HILPDA: variants seen among roughly 807,000 people sequenced by gnomAD.
HILPDA encodes the protein hypoxia-inducible lipid droplet-associated protein.
For synonymous variants in HILPDA, 37 were observed against 33.2 expected, an observed-to-expected ratio of 1.12 and a Z score of -0.40; for missense variants, 72 against 73.5, an observed-to-expected ratio of 0.98 and a Z score of 0.08.
In HILPDA at chr7:128,457,492, GA is replaced by G. The variant is rs1416851457; in HGVS notation, c.*34del. ...CTCCTTCCATACTGGCCATATTTTG[GA>G]ACACTGACCTAGACATGTCCAGATG... is the stretch of plus-strand genomic sequence containing the variant. On this transcript the variant is annotated 3_prime_UTR_variant, in exon 2 of 2. Transcript: ENST00000257696. The G allele has an allele frequency of 6.3e-7, 1 of 1,598,936 alleles. No individual in the cohort carries two copies. Among genetic ancestry groups the G allele is most frequent in the Non-Finnish European group, 8.6e-7 (1 of 1,166,868 alleles).
intron 1 of HILPDA, among the ~76,000 whole-genome samples, chr7:128,456,851 A>T (rs1344753027): frequency 1.3e-5 from 2 of 152,110 alleles, no homozygotes; most frequent in Middle Eastern, 3.2e-3. Flanking sequence ...TAGTAGAGAC[A>T]GGGTTTCACC....
At position 128,457,497 on chromosome 7, in the gene HILPDA, C is replaced by T. The variant is rs756294805; in HGVS notation, c.*37C>T. Reference sequence around the variant, plus strand: ...TCCATACTGGCCATATTTTGGAACACTGACCTAGACATGTCCAGATGGGAG... The same window carrying T: ...TCCATACTGGCCATATTTTGGAACATTGACCTAGACATGTCCAGATGGGAG... On this transcript the variant is annotated 3_prime_UTR_variant, in exon 2 of 2. Transcript: ENST00000257696. 113 of 1,575,924 alleles carry T rather than the reference C, an allele frequency of 7.2e-5. No individual in the cohort carries two copies. Among genetic ancestry groups the T allele is most frequent in the Middle Eastern group, 5.4e-4 (3 of 5,508 alleles).
At position 128,457,230 on chromosome 7, in the gene HILPDA, A is replaced by C; in HGVS notation, c.-39A>C. ...CAGAGGCCTTTCAGAAGGAGAAGGC[A>C]GCTCTGTTTCTCTGCAGAGGAGTAG... On this transcript the variant is annotated 5_prime_UTR_variant, in exon 2 of 2. Transcript: ENST00000257696. 2 of 1,557,114 alleles carry C rather than the reference A, an allele frequency of 1.3e-6. No individual in the cohort carries two copies. Among genetic ancestry groups the C allele is most frequent in the Non-Finnish European group, 1.8e-6 (2 of 1,137,848 alleles).
rs1799531856 is a variant in HILPDA, at chr7:128,455,893, C to T, written c.-199C>T. 1 of 456,754 alleles carries T rather than the reference C, an allele frequency of 2.2e-6. No homozygotes were observed. Among genetic ancestry groups the T allele is most frequent in the Non-Finnish European group, 4.4e-6 (1 of 226,974 alleles). 28.3% of individuals were successfully genotyped at this position (456,754 alleles called of 1,614,324 possible). On this transcript the variant is annotated 5_prime_UTR_variant, in exon 1 of 2. The change creates a new upstream start codon in the 5' untranslated region. Transcript: ENST00000257696. ...GCGTTGCTCTGCGCTCTGCGGCTGA[C>T]GGCGCTTTTGTCTCCGGTGAGTTTT...
chr7:128,457,397 A>C lies in HILPDA; in HGVS notation c.129A>C (p.Arg43Ser). The change falls in exon 2 of 2, where the codon AGA becomes AGC. Residue 43 changes from arginine (R) to serine (S), a missense_variant. Transcript: ENST00000257696. ...CGCCTGGGACCTCCTGGACCACCAGAAGCCAACTAGCCAACACAGAGCCCA... is the reference window on the plus strand; with the variant it reads ...CGCCTGGGACCTCCTGGACCACCAGCAGCCAACTAGCCAACACAGAGCCCA... ...SPSPGTSWTT[R>S]SQLANTEPTK... 1 of 1,614,164 alleles carries C rather than the reference A, an allele frequency of 6.2e-7. No individual in the cohort carries two copies.
chr7:128,457,066 G>A (rs1584778861), intron 1 of HILPDA, 135 bp from the exon 2 acceptor site: 2 of 463,178 alleles, frequency 4.3e-6, no homozygotes, highest in African/African-American at 1.9e-5. Flanking sequence ...GAGAGTTGCT[G>A]TGCAACTCCC....
intron 1 of HILPDA, 71 bp downstream of exon 1, chr7:128,456,094 G>T (rs1458544740): frequency 2.4e-6 from 1 of 410,106 alleles, no homozygotes; most frequent in East Asian, 7.2e-5. Flanking sequence ...TAGCAGCCTC[G>T]CGTTCCAGGG....
Position 128,457,253 on chromosome 7 carries a change from T to C in HILPDA, c.-16T>C. On this transcript the variant is annotated 5_prime_UTR_variant, in exon 2 of 2. Coordinates refer to ENST00000257696, the MANE Select transcript of HILPDA (RefSeq NM_013332.4). ...GCAGCTCTGTTTCTCTGCAGAGGAG[T>C]AGGGTCCTTTCAGCCATGAAGCATG... The C allele has an allele frequency of 1.2e-6, 2 of 1,601,626 alleles. No homozygotes were observed. The highest frequency in any genetic ancestry group is 1.7e-6 in the Non-Finnish European group (2 of 1,170,454).
intron 1 of HILPDA, chr7:128,456,464 T>G (rs1422828942): frequency 6.3e-6 from 1 of 158,050 alleles, no homozygotes; most frequent in Non-Finnish European, 1.4e-5. Flanking sequence ...TGCAAAAAGT[T>G]TGTAGTTAAC....
At position 128,457,456 on chromosome 7, in the gene HILPDA, T is replaced by C. The variant is rs1044013818; in HGVS notation, c.188T>C (p.Met63Thr). 1 of 1,614,056 alleles carries C rather than the reference T, an allele frequency of 6.2e-7. No individual in the cohort carries two copies. The highest frequency in any genetic ancestry group is 1.3e-5 in the African/African-American group (1 of 75,044). Residue 63 changes from methionine to threonine, a missense_variant, in exon 2 of 2, where the codon ATG becomes ACG. Coordinates refer to ENST00000257696, the MANE Select transcript of HILPDA (RefSeq NM_013332.4). ...KGLPDHPSRS[M>T] ...CTTCCAGACCATCCATCCAGAAGCA[T>C]GTGATAAGACCTCCTTCCATACTGG... is the stretch of plus-strand genomic sequence containing the variant.
chr7:128,457,083 C>T (rs1175609593), intron 1 of HILPDA, 118 bp from the exon 2 acceptor site: 10 of 495,296 alleles, frequency 2.0e-5, no homozygotes, highest in Admixed American at 3.2e-5. Context: ...TCCCTGGTCC[C>T]TGTGTCCCTC....
At chr7:128,457,178 C>T in intron 1 of HILPDA, 23 bp from the exon 2 acceptor site, 1 of 1,085,454 alleles carries the variant, frequency 9.2e-7, no homozygotes. Flanking sequence ...GCTATAGATT[C>T]ATCCTTTCCT....
intron 1 of HILPDA, 56 bp downstream of exon 1, chr7:128,456,079 C>G (rs1799536264): frequency 2.4e-6 from 1 of 423,390 alleles, no homozygotes; most frequent in African/African-American, 2.0e-5. Context: ...GAGTGCTCGC[C>G]GCGCTAGCAG....
chr7:128,457,755 T>C lies in HILPDA; in HGVS notation c.*295T>C, dbSNP rs1245301469. 2 of 276,796 alleles carry C rather than the reference T, an allele frequency of 7.2e-6. No individual in the cohort carries two copies. Among genetic ancestry groups the C allele is most frequent in the Non-Finnish European group, 1.5e-5 (2 of 137,504 alleles). The allele number at this position is 276,796 out of a possible 1,614,324, so 17.1% of individuals were successfully genotyped here. On this transcript the variant is annotated 3_prime_UTR_variant, in exon 2 of 2. Coordinates refer to ENST00000257696, the MANE Select transcript of HILPDA (RefSeq NM_013332.4). The stretch of plus-strand genomic sequence containing the variant: ...GGCGAAACCCCATCTCTACTAAAAA[T>C]ACAAAAGTTAGCTGGGTGTGGTGGC...
At position 128,458,132 on chromosome 7, in the gene HILPDA, C is replaced by G. The variant is rs1799571517; in HGVS notation, c.*672C>G. 6.1e-6 allele frequency: 1 copy of G among 163,118 alleles called. No individual in the cohort carries two copies. Among genetic ancestry groups the G allele is most frequent in the Non-Finnish European group, 1.5e-5 (1 of 66,026 alleles). The allele number at this position is 163,118 out of a possible 1,614,324, so 10.1% of individuals were successfully genotyped here. On this transcript the variant is annotated 3_prime_UTR_variant, in exon 2 of 2. Coordinates refer to ENST00000257696, the MANE Select transcript of HILPDA (RefSeq NM_013332.4). ...AACATCTGTCTGGGGTTCCTTTAGT[C>G]TTGAATGTCTTATGCTCAATTATTT...
At position 128,457,312 on chromosome 7, in the gene HILPDA, C is replaced by T; in HGVS notation, c.44C>T (p.Thr15Ile). Residue 15 changes from threonine to isoleucine, a missense_variant, in exon 2 of 2, where the codon ACC becomes ATC. Physicochemically the swap from Thr to Ile is moderately conservative, Grantham distance 89 (BLOSUM62 -1). Coordinates refer to ENST00000257696, the MANE Select transcript of HILPDA (RefSeq NM_013332.4). ...LNLYLLGVVL[T>I]LLSIFVRVME... ...CTCTACCTGTTAGGTGTGGTACTGA[C>T]CCTACTCTCCATCTTCGTTAGAGTG... The T allele has an allele frequency of 6.2e-7, 1 of 1,614,058 alleles. No homozygotes were observed. Among genetic ancestry groups the T allele is most frequent in the Non-Finnish European group, 8.5e-7 (1 of 1,179,960 alleles).
intron 1 of HILPDA, 61 bp downstream of exon 1, chr7:128,456,084 T>C: frequency 2.4e-6 from 1 of 418,140 alleles, no homozygotes; most frequent in East Asian, 7.3e-5. Flanking sequence ...CTCGCCGCGC[T>C]AGCAGCCTCG....
chr7:128,458,170 C>T lies in HILPDA; in HGVS notation c.*710C>T, dbSNP rs150915144. On this transcript the variant is annotated 3_prime_UTR_variant, in exon 2 of 2. Transcript: ENST00000257696. The stretch of plus-strand genomic sequence containing the variant: ...TGCTCAATTATTTGGTGTTGAGCCT[C>T]TCTTCCACAAGAGCTCCTCCATGTT... 333 of 166,574 alleles carry T rather than the reference C, an allele frequency of 2.0e-3. 2 individuals carry two copies. Among genetic ancestry groups the T allele is most frequent in the Middle Eastern group, 0.014 (4 of 296 alleles). The allele number at this position is 166,574 out of a possible 1,614,324, so 10.3% of individuals were successfully genotyped here. A position where few individuals can be genotyped will look rare whatever the true frequency, so the allele number is the denominator to read the frequency against.
intron 1 of HILPDA, among the ~76,000 whole-genome samples, 164 bp from the exon 2 acceptor site, chr7:128,457,037 G>A (rs1176920166): frequency 6.6e-6 from 1 of 152,216 alleles, no homozygotes; most frequent in African/African-American, 2.4e-5. Context: ...CATGAAGTTT[G>A]CAATGTAAAA....
Sources: gnomAD v4.1 joint callset for allele counts (sites outside exome capture counted in the v4.1 genomes callset) on GRCh38, gnomAD v4.1.1 for gene constraint, MANE v1.5 for transcripts, NCBI Gene and HGNC (gene_info 2026-07-23, HGNC 2026-07-21) for gene names.